Variants in CASP9 observed in about 807,000 individuals in gnomAD.
The protein encoded by CASP9 is caspase 9.
In CASP9, 29 loss-of-function variants were observed where a neutral mutation model predicts 43.5. The observed-to-expected ratio is 0.67, with a 90% CI of 0.50 to 0.91. CASP9 has a LOEUF of 0.91. Among genes scored for constraint, CASP9 ranks in the 40% least tolerant of loss-of-function variants. CASP9 has a pLI of 0.00. For synonymous variants in CASP9, 206 were observed against 211.9 expected (o/e 0.97, Z 0.24); for missense variants, 575 against 537.4 (o/e 1.07, Z -0.69).
At chr1:15,511,443 G>A (rs4646029) in intron 2 of CASP9, among the ~76,000 whole-genome samples, 88,319 of 150,332 alleles carry the variant, frequency 0.59, 26,533 homozygotes, top group African/African-American at 0.71. Context: ...CCGCTCTGTC[G>A]CCCAGGCTGG....
chr1:15,518,897 C>T (rs1710068467), intron 1 of CASP9, among the ~76,000 whole-genome samples: 2 of 150,840 alleles, frequency 1.3e-5, no homozygotes, highest in Non-Finnish European at 1.5e-5. Flanking sequence ...TTTCTTGAGA[C>T]GGAGTCTCAC....
Position 15,507,080 on chromosome 1 carries a change from C to T in CASP9, c.454-5G>A. 6.2e-7 allele frequency: 1 copy of T among 1,613,670 alleles called. No homozygotes were observed. Among genetic ancestry groups the T allele is most frequent in the South Asian group, 1.1e-5 (1 of 91,062 alleles). On this transcript the variant is annotated splice_region_variant and splice_polypyrimidine_tract_variant and intron_variant, in intron 3 of 8. Coordinates refer to ENST00000333868, the MANE Select transcript of CASP9 (RefSeq NM_001229.5). Reference sequence around the variant, plus strand: ...CTCCATGCTCAGGATGTAAGCCTGCCAGCACAGGGACCCACGTAAACCCGG... The same window carrying T: ...CTCCATGCTCAGGATGTAAGCCTGCTAGCACAGGGACCCACGTAAACCCGG...
intron 6 of CASP9, among the ~76,000 whole-genome samples, chr1:15,497,512 G>A (rs1252679309): frequency 8.6e-5 from 13 of 151,672 alleles, no homozygotes; most frequent in Admixed American, 1.3e-4. Flanking sequence ...GCGTGGTGGC[G>A]TGTGCCTGTA....
rs1709006028 is a variant in CASP9, at chr1:15,494,111, T to C, written c.1049-110A>G. 2.9e-6 allele frequency: 4 copies of C among 1,360,630 alleles called. No individual in the cohort carries two copies. The Admixed American group carries it at 8.3e-5, about 28-fold the overall frequency. 84.3% of individuals were successfully genotyped at this position (1,360,630 alleles called of 1,614,324 possible). ...CGGGCGCCCTCCAGACCTTGACTCA[T>C]ACATACATCCAACAGGAGCAGCCTG... is the stretch of plus-strand genomic sequence containing the variant. On this transcript the variant is annotated intron_variant, in intron 7 of 8. Transcript: ENST00000333868.
In CASP9 at chr1:15,524,084, C is replaced by T. The variant is rs759277328; in HGVS notation, c.117G>A (p.Met39Ile). ...GGGGGCGCACCTGGATGTCCTCGAT[C>T]ATATGGGGCCTGAACAGCTCGCGGC... is the stretch of plus-strand genomic sequence containing the variant. ...LLSRELFRPH[M>I]IEDIQRAGSG... Residue 39 changes from methionine to isoleucine, a missense_variant, in exon 1 of 9, where the codon ATG (methionine) becomes ATA (isoleucine). Physicochemically the swap from Met to Ile is conservative, Grantham distance 10. Transcript: ENST00000333868. The T allele has an allele frequency of 8.6e-6, 13 of 1,520,286 alleles. No individual in the cohort carries two copies. The Admixed American group carries it at 1.8e-4, about 22-fold the overall frequency. The allele number at this position is 1,520,286 out of a possible 1,614,324, so 94.2% of individuals were successfully genotyped here.
intron 2 of CASP9, among the ~76,000 whole-genome samples, chr1:15,516,584 T>A (rs1305448162): frequency 6.6e-6 from 1 of 152,172 alleles, no homozygotes; most frequent in Non-Finnish European, 1.5e-5. Context: ...CATGTAGTCC[T>A]CCTGCCTCAG....
rs34522526 is a variant in CASP9 at position 15,494,564 on chromosome 1, C to CAAA, written c.1049-566_1049-564dup. On this transcript the variant is annotated intron_variant, in intron 7 of 8. Coordinates refer to ENST00000333868, the MANE Select transcript of CASP9 (RefSeq NM_001229.5). ...TGGGCGACAAAGCAAGACTCCGTCT[C>CAAA]AAAAAAAAAAAAAAAAAGGCTGGGC... Among the ~76,000 whole-genome samples the CAAA allele has an allele frequency of 8.6e-4, 84 of 97,384 alleles. 1 individual carries two copies. In the East Asian group the frequency reaches 0.019, roughly 22 times the overall value. 63.9% of individuals were successfully genotyped at this position (97,384 alleles called of 152,430 possible).
chr1:15,523,394 G>A (rs1052383305), intron 1 of CASP9, among the ~76,000 whole-genome samples: 4 of 152,234 alleles, frequency 2.6e-5, no homozygotes, highest in African/African-American at 7.2e-5. Context: ...CACGCTGCCA[G>A]GCAGCCTGAT....
chr1:15,493,027 A>T lies in CASP9; in HGVS notation c.1167T>A (p.Asn389Lys). 1 of 1,614,100 alleles carries T rather than the reference A, an allele frequency of 6.2e-7. No homozygotes were observed. The highest frequency in any genetic ancestry group is 1.1e-5 in the South Asian group (1 of 91,088). ...DLQSLLLRVANAVSVKGIYKQ... is the reference protein window; with the variant it reads ...DLQSLLLRVAKAVSVKGIYKQ... Reference sequence around the variant, plus strand: ...TATAAATCCCTTTCACCGAAACAGCATTAGCGACCTGTAAGACATGACCAT... The same window carrying T: ...TATAAATCCCTTTCACCGAAACAGCTTTAGCGACCTGTAAGACATGACCAT... Residue 389 changes from asparagine to lysine, a missense_variant, in exon 9 of 9, where the codon AAT becomes AAA. Asn to Lys is a moderately conservative substitution (Grantham distance 94). Coordinates refer to ENST00000333868, the MANE Select transcript of CASP9 (RefSeq NM_001229.5).
At chr1:15,506,314 G>C (rs1275219540) in intron 4 of CASP9, among the ~76,000 whole-genome samples, 1 of 151,820 alleles carries the variant, frequency 6.6e-6, no homozygotes, top group Non-Finnish European at 1.5e-5. Flanking sequence ...AATTTAGCCA[G>C]GCATGGTGGC....
At chr1:15,517,987 T>C (rs747576690) in intron 2 of CASP9, 123 bp downstream of exon 2, 5 of 1,206,718 alleles carry the variant, frequency 4.1e-6, no homozygotes, top group African/African-American at 1.5e-5. Context: ...GCCATCCCTA[T>C]GAACATTCAG....
rs1193623067 is a variant in CASP9, at chr1:15,518,336, A to T, written c.192T>A (p.Thr64=). ...QARQLIIDLE[T]RGSQALPLFI... is the part of the protein sequence containing the mutation. ...ACAAAGGAAGAGCCTGACTCCCTCG[A>T]GTCTCCAGATCTATGATCAGCTGCC... is the stretch of plus-strand genomic sequence containing the variant. Residue 64 remains threonine (T), a synonymous_variant, in exon 2 of 9, where the codon ACT becomes ACA. Transcript: ENST00000333868. 6.2e-7 allele frequency: 1 copy of T among 1,613,988 alleles called. No homozygotes were observed.
At chr1:15,498,648 G>A (rs2103333588) in intron 6 of CASP9, among the ~76,000 whole-genome samples, 1 of 151,162 alleles carries the variant, frequency 6.6e-6, no homozygotes, top group East Asian at 2.0e-4. Context: ...ACCAAGGGAA[G>A]AAATGTGTCT....
chr1:15,506,566 G>A (rs923291332), intron 4 of CASP9, among the ~76,000 whole-genome samples: 2 of 152,094 alleles, frequency 1.3e-5, no homozygotes, highest in Non-Finnish European at 1.5e-5. Flanking sequence ...CCCAGCAGTC[G>A]TAATAGCCAC....
intron 2 of CASP9, among the ~76,000 whole-genome samples, chr1:15,515,821 C>T (rs1490434876): frequency 1.3e-5 from 2 of 151,822 alleles, no homozygotes; most frequent in South Asian, 2.1e-4. Context: ...TTTGGGAGGC[C>T]GAGGTGGGCA....
chr1:15,518,102 C>T lies in CASP9; in HGVS notation c.418+8G>A, dbSNP rs1710024298. ...TGCCCACCCACCAATCACTCTCTTGCTACTTACCGACATCACCAAATCCTC... is the reference window on the plus strand; with the variant it reads ...TGCCCACCCACCAATCACTCTCTTGTTACTTACCGACATCACCAAATCCTC... On this transcript the variant is annotated splice_region_variant and intron_variant, in intron 2 of 8. Transcript: ENST00000333868. 1.2e-6 allele frequency: 2 copies of T among 1,613,210 alleles called. No homozygotes were observed. Among genetic ancestry groups the T allele is most frequent in the South Asian group, 1.1e-5 (1 of 91,070 alleles).
At chr1:15,522,970 AATT>A (rs1463956339) in intron 1 of CASP9, among the ~76,000 whole-genome samples, 2 of 152,170 alleles carry the variant, frequency 1.3e-5, no homozygotes, top group African/African-American at 4.8e-5. Context: ...TATGATACTC[AATT>A]ATTTAAAGAC....
intron 6 of CASP9, 32 bp downstream of exon 6, chr1:15,504,579 C>T: frequency 1.3e-6 from 2 of 1,592,834 alleles, no homozygotes; most frequent in South Asian, 1.1e-5. Flanking sequence ...CCCCACCAGA[C>T]CCACCCAGAG....
chr1:15,519,032 A>G (rs10927793), intron 1 of CASP9, among the ~76,000 whole-genome samples: 88,765 of 151,058 alleles, frequency 0.59, 26,634 homozygotes, highest in African/African-American at 0.71. Context: ...ACACCACCAT[A>G]CCTGACTAAT....
Sources: allele counts gnomAD v4.1 joint callset (sites outside exome capture counted in the v4.1 genomes callset), GRCh38; gene constraint gnomAD v4.1.1; transcripts MANE v1.5; gene names NCBI Gene and HGNC (gene_info 2026-07-23, HGNC 2026-07-21).